The following CDC7 variants were observed in gnomAD, a reference collection of about 807,000 sequenced individuals.
CDC7 encodes the protein cell division cycle 7.
Under a neutral mutation model 53.5 loss-of-function variants are expected in CDC7, and 34 were observed. The observed-to-expected ratio is 0.64, with a 90% CI of 0.48 to 0.85. CDC7 has a LOEUF of 0.85. Among genes scored for constraint, CDC7 ranks in the 40% least tolerant of loss-of-function variants. The pLI is 0.00. For synonymous variants in CDC7, 211 were observed against 222.8 expected (o/e 0.95, Z 0.47); for missense variants, 594 against 679.7 (o/e 0.87, Z 1.40).
Position 91,524,426 on chromosome 1 carries a change from G to A in CDC7, c.1716G>A (p.Met572Ile). 3 of 1,602,734 alleles carry A rather than the reference G, an allele frequency of 1.9e-6. No homozygotes were observed. Among genetic ancestry groups the A allele is most frequent in the Non-Finnish European group, 2.5e-6 (3 of 1,177,530 alleles). ...EALLHPFFKD[M>I]SL ...TGTTGCATCCATTTTTTAAAGATATGAGCTTGTGATAATGGATCTTCATTT... is the reference window on the plus strand; with the variant it reads ...TGTTGCATCCATTTTTTAAAGATATAAGCTTGTGATAATGGATCTTCATTT... Residue 572 changes from methionine (M) to isoleucine (I), a missense_variant, in exon 12 of 12, where the codon ATG becomes ATA. Coordinates refer to ENST00000234626, the MANE Select transcript of CDC7 (RefSeq NM_003503.4).
At chr1:91,505,165 C>T (rs1446292877) in intron 2 of CDC7, among the ~76,000 whole-genome samples, 4 of 151,856 alleles carry the variant, frequency 2.6e-5, no homozygotes, top group South Asian at 2.1e-4. Flanking sequence ...ACAGAGGAAA[C>T]GGCAAGTACA....
At chr1:91,514,127 A>C (rs1667430105) in intron 8 of CDC7, 84 bp downstream of exon 8, 1 of 841,546 alleles carries the variant, frequency 1.2e-6, no homozygotes, top group African/African-American at 1.8e-5. Flanking sequence ...AACATTTATT[A>C]TCAGAAATTT....
intron 11 of CDC7, 71 bp from the exon 12 acceptor site, chr1:91,523,970 G>A: frequency 8.6e-7 from 1 of 1,166,570 alleles, no homozygotes; most frequent in South Asian, 1.6e-5. Context: ...TTTCTCATGA[G>A]AGAGGCTTCT....
At chr1:91,510,794 A>C (rs1186697848) in intron 4 of CDC7, among the ~76,000 whole-genome samples, 1 of 152,164 alleles carries the variant, frequency 6.6e-6, no homozygotes, top group Non-Finnish European at 1.5e-5. Flanking sequence ...TTGCTGTCTT[A>C]AAAATTACCA....
In CDC7 at chr1:91,500,868, G is replaced by C. The variant is rs961414340; in HGVS notation, c.-144G>C. The C allele has an allele frequency of 6.6e-6, 1 of 152,302 alleles. No individual in the cohort carries two copies. Among genetic ancestry groups the C allele is most frequent in the Non-Finnish European group, 1.5e-5 (1 of 68,096 alleles). 9.4% of individuals were successfully genotyped at this position (152,302 alleles called of 1,614,324 possible). On this transcript the variant is annotated 5_prime_UTR_variant, in exon 1 of 12. Coordinates refer to ENST00000234626, the MANE Select transcript of CDC7 (RefSeq NM_003503.4). ...CGGGAAGTGTTGCGCAGGCGCATCCGATCGACTCGGTAGGTGGGGATCTCT... is the reference window on the plus strand; with the variant it reads ...CGGGAAGTGTTGCGCAGGCGCATCCCATCGACTCGGTAGGTGGGGATCTCT...
In CDC7 at chr1:91,524,442, A is replaced by T; in HGVS notation, c.*7A>T. The stretch of plus-strand genomic sequence containing the variant: ...TAAAGATATGAGCTTGTGATAATGG[A>T]TCTTCATTTAATGTTTACTGTTATG... On this transcript the variant is annotated 3_prime_UTR_variant, in exon 12 of 12. Coordinates refer to ENST00000234626, the MANE Select transcript of CDC7 (RefSeq NM_003503.4). The T allele has an allele frequency of 6.3e-7, 1 of 1,586,982 alleles. No individual in the cohort carries two copies. The highest frequency in any genetic ancestry group is 2.2e-5 in the East Asian group (1 of 44,774).
chr1:91,520,743 A>G lies in CDC7; in HGVS notation c.1330+464A>G, dbSNP rs1278574770. Among the ~76,000 whole-genome samples the G allele has an allele frequency of 3.3e-5, 5 of 152,344 alleles. No homozygotes were observed. In the East Asian group the frequency reaches 9.6e-4, roughly 29 times the overall value. On this transcript the variant is annotated intron_variant, in intron 11 of 11. Coordinates refer to ENST00000234626, the MANE Select transcript of CDC7 (RefSeq NM_003503.4). ...AACAAGTAAACAGTTAATTATTAAT[A>G]CAGTGTAATAAGGACTAGGGAAGAG...
intron 11 of CDC7, among the ~76,000 whole-genome samples, chr1:91,522,020 T>C (rs896187341): frequency 1.5e-4 from 22 of 151,584 alleles, no homozygotes; most frequent in African/African-American, 4.8e-4. Context: ...CAAAAATTAG[T>C]TGGGCATGGT....
In CDC7 at chr1:91,513,308, G is replaced by GT; in HGVS notation, c.822+3dup. ...GATTAAACAAGGAAAAGACGGAAAGGTTCTATCTCTTTTATTTCTTAAGTA... is the reference window on the plus strand; with the variant it reads ...GATTAAACAAGGAAAAGACGGAAAGGTTTCTATCTCTTTTATTTCTTAAGTA... On this transcript the variant is annotated splice_donor_variant, in intron 7 of 11. Coordinates refer to ENST00000234626, the MANE Select transcript of CDC7 (RefSeq NM_003503.4). LOFTEE classifies it high-confidence loss of function. 1.2e-6 allele frequency: 2 copies of GT among 1,610,802 alleles called. No homozygotes were observed.
In CDC7 at chr1:91,507,946, G is replaced by T; in HGVS notation, c.199+9G>T. ...GGACAAAATTGGAGAAGGTAATCTG[G>T]GGATATGCTTTTACTATTTTTACGA... is the stretch of plus-strand genomic sequence containing the variant. On this transcript the variant is annotated intron_variant, in intron 3 of 11. Transcript: ENST00000234626. 1.3e-6 allele frequency: 2 copies of T among 1,554,424 alleles called. No individual in the cohort carries two copies. The highest frequency in any genetic ancestry group is 1.2e-5 in the South Asian group (1 of 80,486).
intron 11 of CDC7, among the ~76,000 whole-genome samples, chr1:91,521,819 A>G (rs769976112): frequency 2.6e-5 from 4 of 152,134 alleles, no homozygotes; most frequent in Non-Finnish European, 5.9e-5. Context: ...ATCAAGTGCC[A>G]TGATAGCAAG....
At position 91,509,326 on chromosome 1, in the gene CDC7, G is replaced by T. The variant is rs190718777; in HGVS notation, c.335+929G>T. Among the ~76,000 whole-genome samples the T allele has an allele frequency of 8.8e-4, 118 of 134,510 alleles. 1 individual carries two copies. The highest frequency in any genetic ancestry group is 3.1e-3 in the African/African-American group (112 of 35,604). 88.2% of individuals were successfully genotyped at this position (134,510 alleles called of 152,430 possible). A position where few individuals can be genotyped will look rare whatever the true frequency, so the allele number is the denominator to read the frequency against. ...TATTTAACATTTCCACTTGGTGCCT[G>T]ATAAATATCTCAAACCTAAAAGACA... On this transcript the variant is annotated intron_variant, in intron 4 of 11. Transcript: ENST00000234626.
chr1:91,517,123 A>G (rs2102383367), intron 10 of CDC7, among the ~76,000 whole-genome samples: 1 of 152,330 alleles, frequency 6.6e-6, no homozygotes. Context: ...GGTGAGAGAT[A>G]AACCTGGAAT....
Position 91,511,795 on chromosome 1 carries a change from TCTTTC to T in CDC7, c.450_454del (p.Phe151ArgfsTer8), listed in dbSNP as rs752362072. The T allele has an allele frequency of 5.6e-6, 9 of 1,605,156 alleles. No individual in the cohort carries two copies. The highest frequency in any genetic ancestry group is 2.2e-5 in the South Asian group (2 of 89,986). On this transcript the variant is annotated frameshift_variant, in exon 6 of 12. Transcript: ENST00000234626. LOFTEE classifies it high-confidence loss of function. ...CTTTGTTTTAGGACATTCTGAATTC[TCTTTC>T]CTTTCAAGAAGTACGGGAATATATG...
intron 10 of CDC7, among the ~76,000 whole-genome samples, chr1:91,519,606 C>T (rs1383094292): frequency 1.3e-5 from 2 of 152,134 alleles, no homozygotes; most frequent in African/African-American, 4.8e-5. Flanking sequence ...AAATTAAAGT[C>T]TTCACAGTCA....
rs1482120634 is a variant in CDC7, at chr1:91,520,244, G to A, written c.1295G>A (p.Gly432Glu). 6.2e-7 allele frequency: 1 copy of A among 1,604,956 alleles called. No individual in the cohort carries two copies. The highest frequency in any genetic ancestry group is 1.1e-5 in the South Asian group (1 of 89,008). ...TTGGCCCAAATTATGACAATTAGGG[G>A]ATCCAGAGAAACTATCCAAGCTGCT... is the stretch of plus-strand genomic sequence containing the variant. ...TALAQIMTIR[G>E]SRETIQAAKT... Residue 432 changes from glycine (G) to glutamate (E), a missense_variant, in exon 11 of 12, where the codon GGA becomes GAA. Gly to Glu is a moderately conservative substitution (Grantham distance 98). Coordinates refer to ENST00000234626, the MANE Select transcript of CDC7 (RefSeq NM_003503.4).
In CDC7 at chr1:91,524,565, G is replaced by T; in HGVS notation, c.*130G>T. ...TATTTTAACATTTTAGTGTTTGGTG[G>T]CACATTCTAAAATATAGATTAAGAA... On this transcript the variant is annotated 3_prime_UTR_variant, in exon 12 of 12. Transcript: ENST00000234626. The T allele has an allele frequency of 1.4e-6, 1 of 696,444 alleles. No homozygotes were observed. Among genetic ancestry groups the T allele is most frequent in the Non-Finnish European group, 2.3e-6 (1 of 427,674 alleles). 43.1% of individuals were successfully genotyped at this position (696,444 alleles called of 1,614,324 possible). A position where few individuals can be genotyped will look rare whatever the true frequency, so the allele number is the denominator to read the frequency against.
chr1:91,516,793 G>T (rs140708713), intron 10 of CDC7, among the ~76,000 whole-genome samples: 2 of 152,168 alleles, frequency 1.3e-5, no homozygotes, highest in African/African-American at 4.8e-5. Context: ...GGCCAGACGC[G>T]GTGGCTCATG....
At chr1:91,512,552 A>G (rs1667340992) in intron 6 of CDC7, among the ~76,000 whole-genome samples, 2 of 152,138 alleles carry the variant, frequency 1.3e-5, no homozygotes, top group South Asian at 4.1e-4. Flanking sequence ...TGCTGATTAT[A>G]ATTATAGAGA....
Sources: gnomAD v4.1 joint callset for allele counts (sites outside exome capture counted in the v4.1 genomes callset) on GRCh38, gnomAD v4.1.1 for gene constraint, MANE v1.5 for transcripts, NCBI Gene and HGNC (gene_info 2026-07-23, HGNC 2026-07-21) for gene names.